BAG1: variants seen among roughly 807,000 people sequenced by gnomAD.
BAG1 encodes the protein BAG cochaperone 1.
Under a neutral mutation model 35.5 loss-of-function variants are expected in BAG1, and 35 were observed. That is an observed-to-expected ratio of 0.99 (90% CI 0.75 to 1.31). The LOEUF (loss-of-function observed/expected upper bound fraction) is 1.31, where lower values mean the gene tolerates loss of function less well. Among genes scored for constraint, BAG1 ranks in the 50% most tolerant of loss-of-function variants. The pLI is 0.00. For synonymous variants in BAG1, 191 were observed against 178.9 expected (o/e 1.07, Z -0.54); for missense variants, 464 against 453.6 (o/e 1.02, Z -0.21).
Position 33,264,436 on chromosome 9 carries a change from G to A in BAG1, c.239C>T (p.Ser80Leu). The A allele has an allele frequency of 6.2e-7, 1 of 1,613,364 alleles. No individual in the cohort carries two copies. The highest frequency in any genetic ancestry group is 8.5e-7 in the Non-Finnish European group (1 of 1,179,592). Residue 80 changes from serine to leucine, a missense_variant, in exon 1 of 7, where the codon TCG (serine) becomes TTG (leucine). By Grantham distance (145) the Ser-to-Leu change is moderately radical. Coordinates refer to ENST00000634734, the MANE Select transcript of BAG1 (RefSeq NM_004323.6). ...CCGGGTCAACTCCTCGCTCCGGGTC[G>A]AGCGGCGCCGGGTTTTCTTCTTCAT...
chr9:33,262,855 C>G (rs368222150), intron 1 of BAG1, 25 bp from the exon 2 acceptor site: 1 of 1,608,830 alleles, frequency 6.2e-7, no homozygotes, highest in South Asian at 1.1e-5. Context: ...AAGCATTTGA[C>G]GAATATGATT....
At chr9:33,258,805 G>T in intron 4 of BAG1, 115 bp downstream of exon 4, 1 of 767,696 alleles carries the variant, frequency 1.3e-6, no homozygotes, top group Non-Finnish European at 2.2e-6. Context: ...GAGAAAGGGT[G>T]AATCCAGGAT....
rs1384726771 is a variant in BAG1, at chr9:33,254,800, T to C, written c.*419A>G. ...CTGACTAGGTGCAACCTCCTGGTGA[T>C]TCTGGTTTTACAGCTATGGGACTAC... On this transcript the variant is annotated 3_prime_UTR_variant, in exon 7 of 7. Transcript: ENST00000634734. 2.9e-6 allele frequency: 1 copy of C among 340,454 alleles called. No individual in the cohort carries two copies. The highest frequency in any genetic ancestry group is 7.9e-5 in the East Asian group (1 of 12,706). The allele number at this position is 340,454 out of a possible 1,614,324, so 21.1% of individuals were successfully genotyped here.
Position 33,255,905 on chromosome 9 carries a change from T to C in BAG1, c.908A>G (p.Asp303Gly), listed in dbSNP as rs776781349. 1.6e-5 allele frequency: 26 copies of C among 1,614,024 alleles called. No homozygotes were observed. Among genetic ancestry groups the C allele is most frequent in the Non-Finnish European group, 2.0e-5 (24 of 1,179,884 alleles). The change falls in exon 6 of 7, where the codon GAC becomes GGC. Residue 303 changes from aspartate to glycine, a missense_variant. Transcript: ENST00000634734. ...CAAGCCTTTCCTTTTCAATCTACTGTCTTTGAAATTTTCTGGCAGGATCTA... is the reference window on the plus strand; with the variant it reads ...CAAGCCTTTCCTTTTCAATCTACTGCCTTTGAAATTTTCTGGCAGGATCTA...
In BAG1 at chr9:33,256,782, C is replaced by A; in HGVS notation, c.885+19G>T. 1.3e-6 allele frequency: 2 copies of A among 1,591,088 alleles called. No homozygotes were observed. The highest frequency in any genetic ancestry group is 2.2e-5 in the South Asian group (2 of 90,070). ...AAAGTCAAAGAAAACTAGTTCTTCT[C>A]AGCTGAATATTTACTTACCAGTGTG... On this transcript the variant is annotated intron_variant, in intron 5 of 6. Coordinates refer to ENST00000634734, the MANE Select transcript of BAG1 (RefSeq NM_004323.6).
At chr9:33,259,056 A>G in intron 3 of BAG1, 23 bp from the exon 4 acceptor site, 1 of 1,598,590 alleles carries the variant, frequency 6.3e-7, no homozygotes, top group East Asian at 2.2e-5. Context: ...AGAAGAAAAT[A>G]AAGCCAATAG....
chr9:33,264,570 G>GGCCCC lies in BAG1; in HGVS notation c.104_105insGGGGC (p.Pro36GlyfsTer39). 1 of 1,427,134 alleles carries GGCCCC rather than the reference G, an allele frequency of 7.0e-7. No individual in the cohort carries two copies. The highest frequency in any genetic ancestry group is 9.1e-7 in the Non-Finnish European group (1 of 1,099,654). 88.4% of individuals were successfully genotyped at this position (1,427,134 alleles called of 1,614,324 possible). A position where few individuals can be genotyped will look rare whatever the true frequency, so the allele number is the denominator to read the frequency against. The stretch of plus-strand genomic sequence containing the variant: ...AGGGAGGCGGACCACGCTGGGCCGG[G>GGCCCC]GGCTCCGACTGGCGCGGCTCCCGGC... On this transcript the variant is annotated frameshift_variant, in exon 1 of 7. Transcript: ENST00000634734. LOFTEE classifies it high-confidence loss of function.
chr9:33,258,714 C>T (rs149627711), intron 4 of BAG1, among the ~76,000 whole-genome samples: 2 of 152,312 alleles, frequency 1.3e-5, no homozygotes, highest in African/African-American at 4.8e-5. Flanking sequence ...ATTCTCCCAA[C>T]AATCCTAATA....
At position 33,262,777 on chromosome 9, in the gene BAG1, C is replaced by T; in HGVS notation, c.505G>A (p.Val169Ile). 2 of 1,614,162 alleles carry T rather than the reference C, an allele frequency of 1.2e-6. No homozygotes were observed. The highest frequency in any genetic ancestry group is 8.5e-7 in the Non-Finnish European group (1 of 1,180,006). ...ACAACCTGGGCCAGGTCTTGGACAA[C>T]TGGTTCACTGCTGCCCTGCTGGGAG... The change falls in exon 2 of 7, where the codon GTT (valine) becomes ATT (isoleucine). Residue 169 changes from valine (V) to isoleucine (I), a missense_variant. Transcript: ENST00000634734.
chr9:33,262,355 G>T (rs919276329), intron 2 of BAG1: 4 of 1,181,640 alleles, frequency 3.4e-6, no homozygotes, highest in Non-Finnish European at 4.3e-6. Context: ...GGAAAAGCCG[G>T]AAAAGAAATG....
In BAG1 at chr9:33,258,991, A is replaced by G; in HGVS notation, c.706T>C (p.Leu236=). ...GCTATCTTCTCCACAGACTTCTCCA[A>G]ATGTTTCAACTTCTTTAGTTCAACC... The change falls in exon 4 of 7, where the codon TTG becomes CTG. Residue 236 remains leucine, a synonymous_variant. Transcript: ENST00000634734. 1 of 1,614,192 alleles carries G rather than the reference A, an allele frequency of 6.2e-7. No individual in the cohort carries two copies. Among genetic ancestry groups the G allele is most frequent in the African/African-American group, 1.3e-5 (1 of 75,064 alleles).
chr9:33,264,074 G>A, intron 1 of BAG1, 150 bp downstream of exon 1: 1 of 931,856 alleles, frequency 1.1e-6, no homozygotes, highest in Non-Finnish European at 1.6e-6. Flanking sequence ...CGGGACAAAA[G>A]ACAGTTCCAC....
intron 2 of BAG1, 61 bp from the exon 3 acceptor site, chr9:33,261,230 C>T: frequency 1.6e-6 from 2 of 1,276,998 alleles, no homozygotes; most frequent in South Asian, 1.3e-5. Context: ...AAATAAATTT[C>T]AGCAGGATAC....
intron 2 of BAG1, chr9:33,261,788 G>T: frequency 1.2e-6 from 1 of 804,080 alleles, no homozygotes; most frequent in Non-Finnish European, 1.5e-6. Flanking sequence ...ATACCAGAAT[G>T]ATAGATTCTC....
At chr9:33,256,162 G>A (rs1820448739) in intron 5 of BAG1, among the ~76,000 whole-genome samples, 1 of 152,020 alleles carries the variant, frequency 6.6e-6, no homozygotes, top group African/African-American at 2.4e-5. Flanking sequence ...CTCAATGTCT[G>A]GGCCATAGGA....
Position 33,255,273 on chromosome 9 carries a change from G to C in BAG1, c.984C>G (p.Asn328Lys), listed in dbSNP as rs150092738. The C allele has an allele frequency of 5.2e-5, 84 of 1,614,236 alleles. No individual in the cohort carries two copies. In the African/African-American group the frequency reaches 8.9e-4, roughly 17 times the overall value. ...GCAGCCGCTCAGTCTCCTGGCAGAT[G>C]TTCTGCTCCACTGTGTCACACTCGG... Residue 328 changes from asparagine to lysine, a missense_variant, in exon 7 of 7, where the codon AAC becomes AAG. Asn to Lys is a moderately conservative substitution (Grantham distance 94). Transcript: ENST00000634734.
intron 5 of BAG1, among the ~76,000 whole-genome samples, 167 bp downstream of exon 5, chr9:33,256,634 T>G (rs1672854115): frequency 6.6e-6 from 1 of 152,236 alleles, no homozygotes; most frequent in Non-Finnish European, 1.5e-5. Context: ...CTTATCATCA[T>G]GCATTCACCC....
In BAG1 at chr9:33,255,217, C is replaced by T. The variant is rs1820426202; in HGVS notation, c.*2G>A. ...GGCAGCACAGCCTTTTTCTGCTACA[C>T]CTCACTCGGCCAGGGCAAAGTTTGT... On this transcript the variant is annotated 3_prime_UTR_variant, in exon 7 of 7. Coordinates refer to ENST00000634734, the MANE Select transcript of BAG1 (RefSeq NM_004323.6). 2.5e-6 allele frequency: 4 copies of T among 1,614,208 alleles called. No homozygotes were observed. The South Asian group carries it at 3.3e-5, about 13-fold the overall frequency.
chr9:33,262,210 A>G, intron 2 of BAG1: 4 of 1,288,932 alleles, frequency 3.1e-6, no homozygotes, highest in Non-Finnish European at 4.0e-6. Flanking sequence ...AGAGTGTCCA[A>G]TACCTAGCAG....
Sources: gnomAD v4.1 joint callset for allele counts (sites outside exome capture counted in the v4.1 genomes callset) on GRCh38, gnomAD v4.1.1 for gene constraint, MANE v1.5 for transcripts, NCBI Gene and HGNC (gene_info 2026-07-23, HGNC 2026-07-21) for gene names.